The following ADAM19 variants were observed in gnomAD, a reference collection of about 807,000 sequenced individuals.
ADAM19 encodes ADAM metallopeptidase domain 19.
In ADAM19, 65 loss-of-function variants were observed where a neutral mutation model predicts 114.7. The ratio of observed to expected loss-of-function variants is 0.57; its 90% confidence interval spans 0.46 to 0.70. The LOEUF (loss-of-function observed/expected upper bound fraction) is 0.70. ADAM19 is among the 30% of genes least tolerant of loss of function. The pLI is 0.00. For synonymous variants in ADAM19, 466 were observed against 460.5 expected, an observed-to-expected ratio of 1.01 and a Z score of -0.15; for missense variants, 1,063 against 1,204.7, an observed-to-expected ratio of 0.88 and a Z score of 1.74.
chr5:157,575,355 A>T (rs1318301173), intron 1 of ADAM19, among the ~76,000 whole-genome samples: 1 of 152,208 alleles, frequency 6.6e-6, no homozygotes, highest in Non-Finnish European at 1.5e-5. Context: ...AGAAGGCGAG[A>T]AGGGAAGGCT....
chr5:157,565,511 C>T (rs967305700), intron 2 of ADAM19, among the ~76,000 whole-genome samples: 6 of 150,410 alleles, frequency 4.0e-5, no homozygotes, highest in Non-Finnish European at 8.9e-5. Context: ...GAGTTTGAGA[C>T]CAGCCTGGCC....
rs766130387 is a variant in ADAM19 at position 157,497,036 on chromosome 5, C to A, written c.1452G>T (p.Pro484=). ...CREQARQCDL[P]EFCTGKSPHC... ...GGGGAGACTTGCCCGTACAGAACTC[C>A]GGGAGGTCACACTGCCTGGCCTGCT... is the stretch of plus-strand genomic sequence containing the variant. Residue 484 remains proline, a synonymous_variant, in exon 14 of 23, where the codon CCG becomes CCT. Coordinates refer to ENST00000257527, the MANE Select transcript of ADAM19 (RefSeq NM_033274.5). 6.3e-7 allele frequency: 1 copy of A among 1,576,496 alleles called. No homozygotes were observed.
chr5:157,487,785 T>C (rs1288158937), intron 21 of ADAM19, among the ~76,000 whole-genome samples: 2 of 152,188 alleles, frequency 1.3e-5, no homozygotes, highest in Non-Finnish European at 2.9e-5. Context: ...AGGTACAATT[T>C]GGTAGGAAGA....
chr5:157,491,317 C>T lies in ADAM19; in HGVS notation c.2095+298G>A, dbSNP rs117847719. 2.5e-4 allele frequency among the ~76,000 whole-genome samples: 38 copies of T among 152,238 alleles called. 1 individual carries two copies. The East Asian group carries it at 6.8e-3, about 27-fold the overall frequency. On this transcript the variant is annotated intron_variant, in intron 18 of 22. Coordinates refer to ENST00000257527, the MANE Select transcript of ADAM19 (RefSeq NM_033274.5). The stretch of plus-strand genomic sequence containing the variant: ...TAAGTGCCCAAAGAGAAATAGTCAC[C>T]GTGTCCCCTAAAAAGAATGGGAACA...
At chr5:157,574,646 C>T (rs374311443) in intron 1 of ADAM19, among the ~76,000 whole-genome samples, 10 of 152,246 alleles carry the variant, frequency 6.6e-5, no homozygotes, top group African/African-American at 2.4e-4. Context: ...AGCGGTGGAG[C>T]CAGGGCTAAG....
rs978332199 is a variant in ADAM19, at chr5:157,480,172, G to A, written c.*777C>T. 134 of 986,088 alleles carry A rather than the reference G, an allele frequency of 1.4e-4. No individual in the cohort carries two copies. The highest frequency in any genetic ancestry group is 1.6e-4 in the Non-Finnish European group (132 of 830,122). The allele number at this position is 986,088 out of a possible 1,614,324, so 61.1% of individuals were successfully genotyped here. On this transcript the variant is annotated 3_prime_UTR_variant, in exon 23 of 23. Transcript: ENST00000257527. ...AAGAGAGAAAAGCGTGGGGCACCAG[G>A]AAAGTGCGGCAGAGAAAACAAAGAG...
intron 3 of ADAM19, among the ~76,000 whole-genome samples, chr5:157,558,083 A>G (rs139154286): frequency 7.4e-4 from 113 of 152,352 alleles, no homozygotes; most frequent in South Asian, 1.4e-3. Context: ...ATTAGAAACT[A>G]CATCTCAAAC....
rs1375619057 is a variant in ADAM19 at position 157,575,685 on chromosome 5, GC to G, written c.11del (p.Gly4AlafsTer54). 1 of 1,340,396 alleles carries G rather than the reference GC, an allele frequency of 7.5e-7. No individual in the cohort carries two copies. Among genetic ancestry groups the G allele is most frequent in the Non-Finnish European group, 9.5e-7 (1 of 1,051,850 alleles). 83.0% of individuals were successfully genotyped at this position (1,340,396 alleles called of 1,614,324 possible). On this transcript the variant is annotated frameshift_variant, in exon 1 of 23. Coordinates refer to ENST00000257527, the MANE Select transcript of ADAM19 (RefSeq NM_033274.5). LOFTEE classifies it high-confidence loss of function. MPG[G>X]AGAARLCLLA... ...GCAAGCAGAGCCGGGCGGCGCCTGC[GC>G]CCCCTGGCATGGTGGCGGCGGCCCT...
At chr5:157,487,562 TG>T (rs1386012223) in intron 21 of ADAM19, among the ~76,000 whole-genome samples, 1 of 152,148 alleles carries the variant, frequency 6.6e-6, no homozygotes, top group African/African-American at 2.4e-5. Flanking sequence ...GTGTCTGCAC[TG>T]GGGGATCTCC....
At chr5:157,483,639 T>A (rs1440756198) in intron 21 of ADAM19, among the ~76,000 whole-genome samples, 1 of 148,910 alleles carries the variant, frequency 6.7e-6, no homozygotes, top group African/African-American at 2.5e-5. Context: ...AACATTCCAT[T>A]TTTTTTTTTT....
chr5:157,565,920 C>T (rs1757647595), intron 2 of ADAM19: 1 of 151,878 alleles, frequency 6.6e-6, no homozygotes, highest in African/African-American at 2.4e-5. Context: ...ACCAGCCTGA[C>T]CAACATGGTG....
chr5:157,514,230 G>C (rs776893239), intron 7 of ADAM19, among the ~76,000 whole-genome samples: 12 of 152,130 alleles, frequency 7.9e-5, no homozygotes, highest in Non-Finnish European at 1.6e-4. Context: ...CTGGCAAATA[G>C]GCTTCATCTT....
chr5:157,527,661 G>C (rs1451967124), intron 5 of ADAM19, among the ~76,000 whole-genome samples: 1 of 152,072 alleles, frequency 6.6e-6, no homozygotes. Context: ...GATTTGGGTG[G>C]GGACACAGAG....
At chr5:157,545,552 T>C (rs1170008645) in intron 3 of ADAM19, among the ~76,000 whole-genome samples, 1 of 152,154 alleles carries the variant, frequency 6.6e-6, no homozygotes, top group African/African-American at 2.4e-5. Context: ...AAAAAGATTG[T>C]TTAGGAGAAG....
chr5:157,492,619 T>G (rs1755213639), intron 16 of ADAM19, among the ~76,000 whole-genome samples: 1 of 152,304 alleles, frequency 6.6e-6, no homozygotes, highest in African/African-American at 2.4e-5. Context: ...ATGCTTCATG[T>G]TTTCCATAGT....
intron 22 of ADAM19, chr5:157,481,215 C>T: frequency 1.6e-6 from 1 of 630,384 alleles, no homozygotes; most frequent in East Asian, 2.8e-5. Flanking sequence ...GCTGACCAGC[C>T]ACCCCTCCCT....
intron 3 of ADAM19, among the ~76,000 whole-genome samples, chr5:157,540,163 G>A (rs1267851978): frequency 6.6e-6 from 1 of 152,218 alleles, no homozygotes; most frequent in Non-Finnish European, 1.5e-5. Flanking sequence ...GTAAAAGTTA[G>A]TGATAATCAT....
Position 157,479,863 on chromosome 5 carries a change from T to A in ADAM19, c.*1086A>T. 1.0e-6 allele frequency: 1 copy of A among 985,532 alleles called. No homozygotes were observed. Among genetic ancestry groups the A allele is most frequent in the Non-Finnish European group, 1.2e-6 (1 of 829,972 alleles). 61.0% of individuals were successfully genotyped at this position (985,532 alleles called of 1,614,324 possible). ...GTGTGTACTTTGTAAATAGCTGGGC[T>A]CCCTAAGGGGAAACCTCACCTAGAT... On this transcript the variant is annotated 3_prime_UTR_variant, in exon 23 of 23. Coordinates refer to ENST00000257527, the MANE Select transcript of ADAM19 (RefSeq NM_033274.5).
intron 3 of ADAM19, among the ~76,000 whole-genome samples, chr5:157,563,990 C>T (rs1022413046): frequency 6.6e-5 from 10 of 152,222 alleles, no homozygotes; most frequent in African/African-American, 2.4e-4. Flanking sequence ...GCTCGCTCCT[C>T]TCTGCTGTTT....
Sources: allele counts gnomAD v4.1 joint callset (sites outside exome capture counted in the v4.1 genomes callset), GRCh38; gene constraint gnomAD v4.1.1; transcripts MANE v1.5; gene names NCBI Gene and HGNC (gene_info 2026-07-23, HGNC 2026-07-21).